RALGPS1: variants seen among roughly 807,000 people sequenced by gnomAD.
RALGPS1 encodes Ral GEF with PH domain and SH3 binding motif 1, also known as ras-specific guanine nucleotide-releasing factor RalGPS1.
Under a neutral mutation model 78.8 loss-of-function variants are expected in RALGPS1, and 19 were observed. The ratio of observed to expected loss-of-function variants is 0.24; its 90% CI spans 0.17 to 0.35. RALGPS1 has a LOEUF of 0.35. Among genes scored for constraint, RALGPS1 ranks in the 10% least tolerant of loss-of-function variants. RALGPS1 has a pLI of 1.00. For missense variants in RALGPS1, 454 were observed against 688.3 expected, an observed-to-expected ratio of 0.66 and a Z score of 3.81; for synonymous variants, 228 against 256.3, an observed-to-expected ratio of 0.89 and a Z score of 1.06.
intron 10 of RALGPS1, among the ~76,000 whole-genome samples, chr9:127,171,259 A>AGGATGGATAGAT (rs1258651748): frequency 6.6e-6 from 1 of 152,228 alleles, no homozygotes; most frequent in Non-Finnish European, 1.5e-5. Context: ...TATGTAGGGA[A>AGGATGGATAGAT]GGATGGATAG....
At chr9:127,113,979 G>A (rs1386184799) in intron 8 of RALGPS1, among the ~76,000 whole-genome samples, 3 of 152,248 alleles carry the variant, frequency 2.0e-5, no homozygotes, top group Non-Finnish European at 2.9e-5. Context: ...AGAAGCTGCC[G>A]GCCTGGGATC....
chr9:127,035,403 C>G (rs2046780647), intron 5 of RALGPS1, among the ~76,000 whole-genome samples: 1 of 152,178 alleles, frequency 6.6e-6, no homozygotes, highest in South Asian at 2.1e-4. Flanking sequence ...TATTTCTCAG[C>G]CAGACCTGCG....
intron 4 of RALGPS1, among the ~76,000 whole-genome samples, chr9:127,000,741 A>G (rs2043220496): frequency 6.7e-6 from 1 of 150,366 alleles, no homozygotes; most frequent in African/African-American, 2.4e-5. Context: ...TTTAGTAGAG[A>G]CGGGGCTTCG....
At chr9:127,189,432 C>T (rs2060897853) in intron 11 of RALGPS1, among the ~76,000 whole-genome samples, 1 of 152,158 alleles carries the variant, frequency 6.6e-6, no homozygotes, top group South Asian at 2.1e-4. Flanking sequence ...CAGGTGTCTG[C>T]TCCATGCACC....
intron 5 of RALGPS1, among the ~76,000 whole-genome samples, chr9:127,035,129 A>C (rs1564456438): frequency 6.6e-6 from 1 of 152,102 alleles, no homozygotes. Flanking sequence ...CCCCATAAGC[A>C]TGTCTATCTT....
intron 8 of RALGPS1, among the ~76,000 whole-genome samples, chr9:127,134,573 G>T (rs778740768): frequency 2.6e-5 from 4 of 152,188 alleles, no homozygotes; most frequent in Non-Finnish European, 5.9e-5. Context: ...TAGGTATGAT[G>T]ATTCTAATCT....
intron 4 of RALGPS1, among the ~76,000 whole-genome samples, chr9:127,020,953 G>T (rs1413076188): frequency 6.6e-6 from 1 of 152,170 alleles, no homozygotes; most frequent in Non-Finnish European, 1.5e-5. Flanking sequence ...AGGGAGCAAT[G>T]GATAAATATA....
chr9:127,153,488 G>C lies in RALGPS1; in HGVS notation c.611-12581G>C, dbSNP rs117671161. 4.1e-3 allele frequency among the ~76,000 whole-genome samples: 613 copies of C among 151,052 alleles called. 4 individuals are homozygous for C. Among genetic ancestry groups the C allele is most frequent in the Middle Eastern group, 0.034 (10 of 294 alleles). ...AGGCTGCATGCCTCATGGGTTCAGG[G>C]CCTGTGCCTGTCTGGTTCTGCTGTA... On this transcript the variant is annotated intron_variant, in intron 8 of 18. Transcript: ENST00000259351.
At chr9:127,108,784 A>C (rs1012988623) in intron 8 of RALGPS1, 1 of 1,529,180 alleles carries the variant, frequency 6.5e-7, no homozygotes, top group African/African-American at 1.4e-5. Flanking sequence ...TGAAAGCCTG[A>C]AAGTAAACAG....
chr9:127,090,680 G>A (rs987318960), intron 8 of RALGPS1, among the ~76,000 whole-genome samples: 24 of 152,332 alleles, frequency 1.6e-4, no homozygotes, highest in African/African-American at 5.8e-4. Context: ...GGAGGGAGTA[G>A]CCTTCTGACC....
chr9:126,992,218 A>G (rs1261108326), intron 4 of RALGPS1, among the ~76,000 whole-genome samples: 1 of 152,204 alleles, frequency 6.6e-6, no homozygotes, highest in Non-Finnish European at 1.5e-5. Context: ...TGACTACCTC[A>G]AAAGAATTGG....
At chr9:126,939,864 G>A (rs910567331) in intron 1 of RALGPS1, among the ~76,000 whole-genome samples, 1 of 152,260 alleles carries the variant, frequency 6.6e-6, no homozygotes, top group Non-Finnish European at 1.5e-5. Context: ...CATGGACCCA[G>A]GCTGGAGGCC....
At chr9:126,938,888 G>A (rs969290766) in intron 1 of RALGPS1, among the ~76,000 whole-genome samples, 1 of 152,244 alleles carries the variant, frequency 6.6e-6, no homozygotes, top group Non-Finnish European at 1.5e-5. Context: ...GAAAGAGCCA[G>A]GAGTAGAGGA....
At chr9:126,921,295 G>T (rs952987462) in intron 1 of RALGPS1, among the ~76,000 whole-genome samples, 4 of 152,218 alleles carry the variant, frequency 2.6e-5, no homozygotes, top group African/African-American at 9.6e-5. Context: ...CCCTGTGGCT[G>T]ATATTATGGC....
intron 1 of RALGPS1, among the ~76,000 whole-genome samples, chr9:126,941,645 C>T (rs1011040381): frequency 9.2e-5 from 14 of 152,136 alleles, no homozygotes; most frequent in Non-Finnish European, 1.8e-4. Flanking sequence ...TTCTTCACTG[C>T]TCTATCCCTA....
At chr9:127,077,708 C>G (rs1181771275) in intron 8 of RALGPS1, among the ~76,000 whole-genome samples, 1 of 152,056 alleles carries the variant, frequency 6.6e-6, no homozygotes, top group African/African-American at 2.4e-5. Context: ...TTTTCATTTC[C>G]CCTCCCCACG....
intron 4 of RALGPS1, among the ~76,000 whole-genome samples, chr9:126,982,465 G>A (rs1181754803): frequency 6.6e-6 from 1 of 152,206 alleles, no homozygotes; most frequent in African/African-American, 2.4e-5. Flanking sequence ...ATGAGATAAT[G>A]CATATAGAGT....
chr9:126,973,725 ACT>A (rs944164873), intron 3 of RALGPS1, among the ~76,000 whole-genome samples: 91 of 152,146 alleles, frequency 6.0e-4, no homozygotes, highest in African/African-American at 2.0e-3. Flanking sequence ...CAAAATGGAA[ACT>A]CTGTATCCAT....
At chr9:127,166,031 A>G in intron 8 of RALGPS1, 38 bp from the exon 9 acceptor site, 1 of 1,581,898 alleles carries the variant, frequency 6.3e-7, no homozygotes. Context: ...GGTTTGTGGT[A>G]AGCTCCTTCC....
Sources: allele counts gnomAD v4.1 joint callset (sites outside exome capture counted in the v4.1 genomes callset), GRCh38; gene constraint gnomAD v4.1.1; transcripts MANE v1.5; gene names NCBI Gene and HGNC (gene_info 2026-07-23, HGNC 2026-07-21).